Variants in MPPED2 observed in about 807,000 individuals in gnomAD.
MPPED2 encodes metallophosphoesterase MPPED2.
A neutral mutation model predicts 33.0 loss-of-function variants in MPPED2; 5 were observed. The ratio of observed to expected loss-of-function variants is 0.15; its 90% CI spans 0.08 to 0.32. The LOEUF (loss-of-function observed/expected upper bound fraction) is 0.32, where lower values mean the gene tolerates loss of function less well. Ranked by LOEUF, MPPED2 falls within the 10% of genes least tolerant of loss-of-function variation. The pLI is 1.00. For missense variants in MPPED2, 275 were observed against 372.1 expected (o/e 0.74, Z 2.15); for synonymous variants, 136 against 141.9 (o/e 0.96, Z 0.29).
chr11:30,427,251 G>A (rs1238447733), intron 4 of MPPED2, among the ~76,000 whole-genome samples: 1 of 152,196 alleles, frequency 6.6e-6, no homozygotes, highest in African/African-American at 2.4e-5. Context: ...TAAACAAGTA[G>A]GAACTGATGA....
intron 3 of MPPED2, among the ~76,000 whole-genome samples, chr11:30,519,973 C>G (rs1163659460): frequency 1.3e-5 from 2 of 152,132 alleles, no homozygotes; most frequent in African/African-American, 4.8e-5. Context: ...ACAGACAAAT[C>G]AAAGCTCAGA....
chr11:30,547,711 T>C (rs1014628023), intron 2 of MPPED2, among the ~76,000 whole-genome samples: 1 of 152,222 alleles, frequency 6.6e-6, no homozygotes, highest in African/African-American at 2.4e-5. Context: ...CAAATTAATT[T>C]CAGCATTTTT....
chr11:30,516,203 T>C (rs1953524999), intron 3 of MPPED2, among the ~76,000 whole-genome samples: 1 of 152,152 alleles, frequency 6.6e-6, no homozygotes, highest in Admixed American at 6.5e-5. Flanking sequence ...GCCACACCTG[T>C]GCTGAAACCC....
At chr11:30,442,997 A>G (rs1286390862) in intron 4 of MPPED2, among the ~76,000 whole-genome samples, 2 of 152,162 alleles carry the variant, frequency 1.3e-5, no homozygotes, top group Non-Finnish European at 2.9e-5. Context: ...TCTCAAGGAA[A>G]AAAAAATATT....
At chr11:30,586,941 CA>C, upstream of MPPED2, 1 of 152,438 alleles carries the variant, frequency 6.6e-6, no homozygotes, top group Non-Finnish European at 1.5e-5. This position sits in a 1 kb window ranked among gnomAD's most constrained non-coding sequence, Gnocchi z 4.8. Flanking sequence ...CACACACACA[CA>C]CACACACGCT....
Position 30,578,928 on chromosome 11 carries a change from A to G in MPPED2, c.128+1318T>C, listed in dbSNP as rs138055188. Among the ~76,000 whole-genome samples the G allele has an allele frequency of 4.8e-3, 729 of 152,074 alleles. 8 individuals carry two copies. The highest frequency in any genetic ancestry group is 0.017 in the African/African-American group (702 of 41,458). On this transcript the variant is annotated intron_variant, in intron 2 of 6. Coordinates refer to ENST00000358117, the MANE Select transcript of MPPED2 (RefSeq NM_001584.3). The stretch of plus-strand genomic sequence containing the variant: ...TTAGCGATCCTTCATAATCATGAAT[A>G]TATTCTCATTTAAAGAACGTATAAA...
At chr11:30,450,145 C>T (rs1445593025) in intron 4 of MPPED2, among the ~76,000 whole-genome samples, 1 of 152,182 alleles carries the variant, frequency 6.6e-6, no homozygotes, top group African/African-American at 2.4e-5. Context: ...AGGAAAGGGT[C>T]TTTTTTCCCC....
intron 2 of MPPED2, among the ~76,000 whole-genome samples, chr11:30,568,233 G>A (rs575056790): frequency 1.3e-5 from 2 of 152,224 alleles, no homozygotes; most frequent in East Asian, 1.9e-4. Flanking sequence ...ACTAGTAGTA[G>A]TTCTGGGTAT....
chr11:30,532,161 A>G (rs564845195), intron 3 of MPPED2, among the ~76,000 whole-genome samples: 1 of 152,226 alleles, frequency 6.6e-6, no homozygotes, highest in Non-Finnish European at 1.5e-5. Flanking sequence ...TCCCATAGAC[A>G]ATACATGTTA....
At chr11:30,522,984 G>T (rs1004989498) in intron 3 of MPPED2, among the ~76,000 whole-genome samples, 1 of 152,176 alleles carries the variant, frequency 6.6e-6, no homozygotes, top group South Asian at 2.1e-4. Context: ...AGGGTCAAGT[G>T]ATTACAGCAG....
At chr11:30,500,447 G>A (rs1486961797) in intron 3 of MPPED2, among the ~76,000 whole-genome samples, 1 of 152,064 alleles carries the variant, frequency 6.6e-6, no homozygotes, top group Non-Finnish European at 1.5e-5. Flanking sequence ...CTAATGATTC[G>A]ATTTTAAAAC....
At position 30,475,872 on chromosome 11, in the gene MPPED2, CCTCTATCTGT is replaced by C. The variant is rs555442929; in HGVS notation, c.536+19414_536+19423del. The stretch of plus-strand genomic sequence containing the variant: ...GTGTTCCATTTTACATTCATATCTG[CCTCTATCTGT>C]GGATCCATATATTTGTCATTCTTGG... On this transcript the variant is annotated intron_variant, in intron 4 of 6. Coordinates refer to ENST00000358117, the MANE Select transcript of MPPED2 (RefSeq NM_001584.3). Among the ~76,000 whole-genome samples, 49 of 152,136 alleles carry C rather than the reference CCTCTATCTGT, an allele frequency of 3.2e-4. No homozygotes were observed. In the East Asian group the frequency reaches 8.5e-3, roughly 26 times the overall value.
At chr11:30,547,922 C>T (rs1333911618) in intron 2 of MPPED2, among the ~76,000 whole-genome samples, 1 of 152,158 alleles carries the variant, frequency 6.6e-6, no homozygotes, top group Non-Finnish European at 1.5e-5. Flanking sequence ...TTTGGGAGGG[C>T]ATACATACCA....
intron 4 of MPPED2, among the ~76,000 whole-genome samples, chr11:30,473,504 A>C (rs1483008040): frequency 6.6e-6 from 1 of 152,148 alleles, no homozygotes; most frequent in Admixed American, 6.5e-5. Context: ...CACTGCCACT[A>C]TGATGGGCAG....
intron 4 of MPPED2, among the ~76,000 whole-genome samples, chr11:30,432,366 ACT>A (rs1373756899): frequency 1.3e-5 from 2 of 152,064 alleles, no homozygotes; most frequent in Admixed American, 6.6e-5. Context: ...ATGAAAACAG[ACT>A]CTGTTTTATA....
chr11:30,400,482 CCATT>C (rs1290689095), intron 6 of MPPED2, among the ~76,000 whole-genome samples: 1 of 152,196 alleles, frequency 6.6e-6, no homozygotes, highest in Non-Finnish European at 1.5e-5. Flanking sequence ...AAGGCCCTAG[CCATT>C]CTTTATTATT....
intron 6 of MPPED2, among the ~76,000 whole-genome samples, chr11:30,403,402 C>T (rs1202524044): frequency 6.6e-6 from 1 of 152,098 alleles, no homozygotes; most frequent in African/African-American, 2.4e-5. Context: ...ATACATTCAC[C>T]GAAAATACTT....
intron 5 of MPPED2, among the ~76,000 whole-genome samples, chr11:30,416,251 G>C (rs1948353293): frequency 6.6e-6 from 1 of 152,236 alleles, no homozygotes; most frequent in Non-Finnish European, 1.5e-5. Flanking sequence ...GTCTGCAACA[G>C]AGCTGGCTCT....
chr11:30,440,594 A>C (rs1167912878), intron 4 of MPPED2, among the ~76,000 whole-genome samples: 1 of 152,200 alleles, frequency 6.6e-6, no homozygotes, highest in Non-Finnish European at 1.5e-5. Context: ...GAGAAAAGAG[A>C]AGCTCAATGA....
Sources: gnomAD v4.1 joint callset for allele counts (sites outside exome capture counted in the v4.1 genomes callset) on GRCh38, gnomAD v4.1.1 for gene constraint, Gnocchi (gnomAD v3.1) non-coding constraint, MANE v1.5 for transcripts, NCBI Gene and HGNC (gene_info 2026-07-23, HGNC 2026-07-21) for gene names.